ADAMTS18: variants seen among roughly 807,000 people sequenced by gnomAD.
ADAMTS18 encodes ADAM metallopeptidase with thrombospondin type 1 motif 18, also known as A disintegrin and metalloproteinase with thrombospondin motifs 18.
Under a neutral mutation model 165.9 loss-of-function variants are expected in ADAMTS18, and 157 were observed. The ratio of observed to expected loss-of-function variants is 0.95; its 90% CI spans 0.83 to 1.08. ADAMTS18 has a LOEUF of 1.08. Ranked by LOEUF, ADAMTS18 falls within the 50% of genes least tolerant of loss-of-function variation. ADAMTS18 has a pLI of 0.00. For synonymous variants in ADAMTS18, 782 were observed against 578.2 expected (o/e 1.35, Z -5.06); for missense variants, 2,040 against 1,534.0 (o/e 1.33, Z -5.51).
chr16:77,334,846 A>ATATACTATATACTATAGTATACAGTATG (rs2056279580), intron 12 of ADAMTS18, among the ~76,000 whole-genome samples: 1 of 129,408 alleles, frequency 7.7e-6, no homozygotes, highest in Admixed American at 8.4e-5. Context: ...TATACAGTAT[A>ATATACTATATACTATAGTATACAGTATG]TATAATATAC....
At chr16:77,421,302 C>T (rs976035561) in intron 3 of ADAMTS18, among the ~76,000 whole-genome samples, 1 of 152,174 alleles carries the variant, frequency 6.6e-6, no homozygotes, top group African/African-American at 2.4e-5. Flanking sequence ...GTATTTTGCC[C>T]TGTAATTGGA....
intron 3 of ADAMTS18, among the ~76,000 whole-genome samples, chr16:77,378,090 G>A (rs954624163): frequency 1.3e-5 from 2 of 152,176 alleles, no homozygotes; most frequent in African/African-American, 4.8e-5. Flanking sequence ...CACTTTGTGA[G>A]TCTAAGGCAG....
chr16:77,384,238 G>A (rs1305505471), intron 3 of ADAMTS18, among the ~76,000 whole-genome samples: 1 of 152,170 alleles, frequency 6.6e-6, no homozygotes, highest in Non-Finnish European at 1.5e-5. Flanking sequence ...CTCTACTTCT[G>A]GAGCTAAACA....
At chr16:77,371,864 T>G (rs1360648668) in intron 3 of ADAMTS18, among the ~76,000 whole-genome samples, 1 of 152,160 alleles carries the variant, frequency 6.6e-6, no homozygotes, top group Non-Finnish European at 1.5e-5. Flanking sequence ...ATTTGTAAAC[T>G]ATGTACCCGA....
At chr16:77,375,853 G>A (rs552786009) in intron 3 of ADAMTS18, among the ~76,000 whole-genome samples, 3 of 150,724 alleles carry the variant, frequency 2.0e-5, no homozygotes, top group South Asian at 4.2e-4. Context: ...AATCATGGCA[G>A]AAGGCAAAGG....
intron 22 of ADAMTS18, among the ~76,000 whole-genome samples, chr16:77,286,852 T>C (rs1296775391): frequency 6.6e-6 from 1 of 152,194 alleles, no homozygotes; most frequent in Non-Finnish European, 1.5e-5. Context: ...TAGGGCCTTC[T>C]CTCTTTTCTG....
intron 22 of ADAMTS18, among the ~76,000 whole-genome samples, chr16:77,286,048 ACTGACAAGGCCTC>A (rs1178938591): frequency 6.6e-6 from 1 of 152,140 alleles, no homozygotes; most frequent in South Asian, 2.1e-4. Context: ...CCTTACACTG[ACTGACAAGGCCTC>A]CAGTCCCACT....
chr16:77,332,971 G>A (rs1294642161), intron 12 of ADAMTS18, among the ~76,000 whole-genome samples: 1 of 152,216 alleles, frequency 6.6e-6, no homozygotes. Context: ...GTACATTCCT[G>A]CAAGGCAAAT....
chr16:77,289,033 T>A (rs1026329571), intron 22 of ADAMTS18, among the ~76,000 whole-genome samples: 2 of 152,164 alleles, frequency 1.3e-5, no homozygotes, highest in Non-Finnish European at 2.9e-5. Context: ...TACAGTGAGC[T>A]GTGTACTCCC....
intron 16 of ADAMTS18, among the ~76,000 whole-genome samples, chr16:77,306,811 A>T (rs2055690504): frequency 6.6e-6 from 1 of 152,212 alleles, no homozygotes; most frequent in Admixed American, 6.5e-5. Context: ...AATAGTGTAG[A>T]CTAATAAACC....
intron 3 of ADAMTS18, among the ~76,000 whole-genome samples, chr16:77,422,261 C>CTTT (rs1282134783): frequency 1.3e-5 from 2 of 152,106 alleles, no homozygotes; most frequent in Non-Finnish European, 2.9e-5. Flanking sequence ...CTCAGCCCCA[C>CTTT]ATACTTCTTC....
intron 10 of ADAMTS18, among the ~76,000 whole-genome samples, chr16:77,346,689 A>C (rs1169636914): frequency 6.6e-6 from 1 of 152,210 alleles, no homozygotes; most frequent in African/African-American, 2.4e-5. Flanking sequence ...GCCTGGATTT[A>C]AGCCCATGTA....
At chr16:77,321,309 C>A (rs757501452) in intron 14 of ADAMTS18, 107 bp from the exon 15 acceptor site, 47 of 1,443,718 alleles carry the variant, frequency 3.3e-5, no homozygotes, top group Non-Finnish European at 3.4e-5. Context: ...ATTAGGGAAG[C>A]AGTACAGCTT....
At chr16:77,311,740 G>A (rs751221612) in intron 16 of ADAMTS18, among the ~76,000 whole-genome samples, 2 of 135,538 alleles carry the variant, frequency 1.5e-5, no homozygotes, top group South Asian at 2.5e-4. Context: ...TGCAACTTTT[G>A]AATGAAACCA....
At chr16:77,356,968 GAA>G (rs925293937) in intron 8 of ADAMTS18, among the ~76,000 whole-genome samples, 1 of 145,932 alleles carries the variant, frequency 6.9e-6, no homozygotes, top group African/African-American at 2.5e-5. Context: ...TCAGCACAGA[GAA>G]AAGTCTTTTC....
At chr16:77,294,601 C>T (rs75126775) in intron 19 of ADAMTS18, among the ~76,000 whole-genome samples, 128 of 152,288 alleles carry the variant, frequency 8.4e-4, no homozygotes, top group African/African-American at 2.9e-3. Flanking sequence ...TTTGTATTTG[C>T]GTTTCCCATT....
rs1030002385 is a variant in ADAMTS18, at chr16:77,359,391, A to T, written c.1249T>A (p.Tyr417Asn). 1 of 1,614,068 alleles carries T rather than the reference A, an allele frequency of 6.2e-7. No homozygotes were observed. The highest frequency in any genetic ancestry group is 8.5e-7 in the Non-Finnish European group (1 of 1,180,002). ...TCCTCATTGATGGTACAACTTCGGT[A>T]CTTAGAGCACATTCCACTGATGGGG... Reference protein sequence around the residue: ...FAPISGMCSKYRSCTINEDTG... With the variant: ...FAPISGMCSKNRSCTINEDTG... Residue 417 changes from tyrosine to asparagine, a missense_variant, in exon 8 of 23, where the codon TAC becomes AAC. Coordinates refer to ENST00000282849, the MANE Select transcript of ADAMTS18 (RefSeq NM_199355.4).
intron 10 of ADAMTS18, among the ~76,000 whole-genome samples, chr16:77,343,998 T>C (rs1265588521): frequency 6.6e-6 from 1 of 151,630 alleles, no homozygotes; most frequent in Non-Finnish European, 1.5e-5. Context: ...CTCCATTTCA[T>C]GTAGATTTTA....
intron 3 of ADAMTS18, among the ~76,000 whole-genome samples, chr16:77,395,838 G>C (rs1424268295): frequency 6.6e-6 from 1 of 152,016 alleles, no homozygotes; most frequent in African/African-American, 2.4e-5. Context: ...GGTATTTTTA[G>C]GTCTAGAGAA....
Sources: allele counts gnomAD v4.1 joint callset (sites outside exome capture counted in the v4.1 genomes callset), GRCh38; gene constraint gnomAD v4.1.1; transcripts MANE v1.5; gene names NCBI Gene and HGNC (gene_info 2026-07-23, HGNC 2026-07-21).